Variants in GSK3B observed in about 807,000 individuals in gnomAD.
The protein encoded by GSK3B is glycogen synthase kinase-3 beta.
GSK3B carries 15 observed loss-of-function variants against 56.4 expected under a neutral mutation model. The ratio of observed to expected loss-of-function variants is 0.27; its 90% CI spans 0.18 to 0.41. The LOEUF is 0.41. Ranked by LOEUF, GSK3B falls within the 10% of genes least tolerant of loss-of-function variation. The pLI, the probability that GSK3B is intolerant of heterozygous loss-of-function variation, is 1.00. For synonymous variants in GSK3B, 181 were observed against 188.9 expected (o/e 0.96, Z 0.34); for missense variants, 300 against 513.4 (o/e 0.58, Z 4.02).
intron 8 of GSK3B, among the ~76,000 whole-genome samples, chr3:119,868,861 T>C (rs2056215495): frequency 6.6e-6 from 1 of 152,190 alleles, no homozygotes; most frequent in Admixed American, 6.5e-5. Flanking sequence ...AGTAATCTAT[T>C]AATCATCTGA....
chr3:120,054,937 C>A (rs1379797716), intron 1 of GSK3B, among the ~76,000 whole-genome samples: 1 of 152,186 alleles, frequency 6.6e-6, no homozygotes, highest in African/African-American at 2.4e-5. Context: ...AGACAAATAT[C>A]TGGGTGTCTT....
At chr3:120,092,990 G>C (rs768813063) in intron 1 of GSK3B, among the ~76,000 whole-genome samples, 8 of 152,016 alleles carry the variant, frequency 5.3e-5, no homozygotes, top group Non-Finnish European at 1.0e-4. Context: ...ATCAAATCTT[G>C]TCCTTCTCTT....
At chr3:120,043,829 T>C (rs1197663765) in intron 1 of GSK3B, among the ~76,000 whole-genome samples, 1 of 152,216 alleles carries the variant, frequency 6.6e-6, no homozygotes, top group Non-Finnish European at 1.5e-5. Flanking sequence ...TATGCTTCTT[T>C]AAAATGCGTT....
At chr3:119,890,693 C>T (rs1441951717) in intron 7 of GSK3B, among the ~76,000 whole-genome samples, 2 of 149,972 alleles carry the variant, frequency 1.3e-5, no homozygotes, top group Admixed American at 6.7e-5. Flanking sequence ...ATTTAAAATG[C>T]CTATATTTTA....
intron 2 of GSK3B, among the ~76,000 whole-genome samples, chr3:119,958,075 C>T (rs1461813558): frequency 6.6e-6 from 1 of 152,044 alleles, no homozygotes; most frequent in African/African-American, 2.4e-5. Flanking sequence ...AGATGGTTTC[C>T]CCCATGCTGC....
intron 10 of GSK3B, among the ~76,000 whole-genome samples, chr3:119,837,767 T>A (rs1362737793): frequency 6.6e-6 from 1 of 151,608 alleles, no homozygotes; most frequent in Non-Finnish European, 1.5e-5. Flanking sequence ...AGGAAAATGA[T>A]AATGTCTTGA....
chr3:119,945,300 T>C (rs1332743880), intron 3 of GSK3B, among the ~76,000 whole-genome samples: 1 of 152,200 alleles, frequency 6.6e-6, no homozygotes, highest in Non-Finnish European at 1.5e-5. Flanking sequence ...AGGTATCTTT[T>C]TTTAAAAAAA....
At chr3:119,890,947 A>T (rs970479017) in intron 7 of GSK3B, among the ~76,000 whole-genome samples, 1 of 152,114 alleles carries the variant, frequency 6.6e-6, no homozygotes, top group East Asian at 1.9e-4. Context: ...AGAGGCATTT[A>T]AAAAACTTTT....
At chr3:119,978,219 T>C (rs904572498) in intron 2 of GSK3B, among the ~76,000 whole-genome samples, 16 of 151,814 alleles carry the variant, frequency 1.1e-4, no homozygotes, top group African/African-American at 3.4e-4. Context: ...ATCAGAGACA[T>C]ACTAGCCTCA....
intron 1 of GSK3B, among the ~76,000 whole-genome samples, chr3:120,068,346 G>C (rs796944992): frequency 2.4e-5 from 3 of 124,472 alleles, no homozygotes; most frequent in Non-Finnish European, 5.1e-5. Flanking sequence ...AGCTGAGATC[G>C]CGCCACTGCA....
At chr3:119,953,633 T>C (rs2057180740) in intron 2 of GSK3B, among the ~76,000 whole-genome samples, 1 of 152,206 alleles carries the variant, frequency 6.6e-6, no homozygotes, top group Non-Finnish European at 1.5e-5. Flanking sequence ...CTTCCACTCA[T>C]GACCAATGTG....
At chr3:120,020,310 G>A (rs143508769) in intron 1 of GSK3B, among the ~76,000 whole-genome samples, 233 of 152,240 alleles carry the variant, frequency 1.5e-3, no homozygotes, top group Middle Eastern at 3.4e-3. Flanking sequence ...TAAGGAACAT[G>A]CCTAAGAGAA....
At chr3:119,926,751 T>A (rs73175860) in intron 3 of GSK3B, among the ~76,000 whole-genome samples, 13,904 of 152,264 alleles carry the variant, frequency 0.091, 782 homozygotes, top group Non-Finnish European at 0.12. Flanking sequence ...ATTCAGGGAT[T>A]CTGTACTTCA....
At chr3:120,031,309 A>G (rs933913206) in intron 1 of GSK3B, among the ~76,000 whole-genome samples, 2 of 152,206 alleles carry the variant, frequency 1.3e-5, no homozygotes, top group Admixed American at 1.3e-4. Context: ...GTAGATAAAA[A>G]TCTCTAGAAA....
intron 3 of GSK3B, among the ~76,000 whole-genome samples, chr3:119,927,777 G>C (rs1026100523): frequency 6.6e-6 from 1 of 152,068 alleles, no homozygotes; most frequent in African/African-American, 2.4e-5. Flanking sequence ...TGGAGAGTAA[G>C]GAAAGGACTG....
chr3:119,991,804 C>G lies in GSK3B; in HGVS notation c.282+10242G>C, dbSNP rs1165408850. Reference sequence around the variant, plus strand: ...TAAATTCCACAAAGGAAGGGTGATACAAGGAAAAAAACCGAGCTTGGTATA... The same window carrying G: ...TAAATTCCACAAAGGAAGGGTGATAGAAGGAAAAAAACCGAGCTTGGTATA... On this transcript the variant is annotated intron_variant, in intron 2 of 10. Transcript: ENST00000264235. Among the ~76,000 whole-genome samples the G allele has an allele frequency of 2.6e-5, 4 of 151,750 alleles. No homozygotes were observed. In the East Asian group the frequency reaches 5.8e-4, roughly 22 times the overall value.
At chr3:119,943,152 T>C (rs1559846770) in intron 3 of GSK3B, among the ~76,000 whole-genome samples, 1 of 152,132 alleles carries the variant, frequency 6.6e-6, no homozygotes, top group Non-Finnish European at 1.5e-5. Context: ...AAAGGCAGAA[T>C]ACAATAAAAA....
At chr3:119,936,363 T>G (rs1381125218) in intron 3 of GSK3B, among the ~76,000 whole-genome samples, 1 of 147,892 alleles carries the variant, frequency 6.8e-6, no homozygotes, top group Non-Finnish European at 1.5e-5. Context: ...TATTTTTTTT[T>G]TGAGACAAAG....
intron 2 of GSK3B, among the ~76,000 whole-genome samples, chr3:119,994,719 T>C (rs951172470): frequency 4.6e-5 from 7 of 152,156 alleles, no homozygotes; most frequent in African/African-American, 1.7e-4. Context: ...ATAGCTGTCC[T>C]ATACTGTTCA....
Sources: gnomAD v4.1 joint callset for allele counts (sites outside exome capture counted in the v4.1 genomes callset) on GRCh38, gnomAD v4.1.1 for gene constraint, MANE v1.5 for transcripts, NCBI Gene and HGNC (gene_info 2026-07-23, HGNC 2026-07-21) for gene names.